Variants in DAB1 observed in about 807,000 individuals in gnomAD.
The protein encoded by DAB1 is DAB adaptor protein 1, also known as disabled homolog 1.
Under a neutral mutation model 64.6 loss-of-function variants are expected in DAB1, and 15 were observed. The observed-to-expected ratio is 0.23, with a 90% confidence interval of 0.16 to 0.36. The LOEUF is 0.36. DAB1 is among the 10% of genes least tolerant of loss of function. The probability of loss-of-function intolerance (pLI) is 1.00; values close to 1 mark genes in which losing one functional copy is unlikely to be tolerated. For synonymous variants in DAB1, 235 were observed against 251.9 expected (o/e 0.93, Z 0.64); for missense variants, 596 against 706.7 (o/e 0.84, Z 1.78).
intron 4 of DAB1, among the ~76,000 whole-genome samples, chr1:58,239,520 G>A (rs1263503117): frequency 1.3e-5 from 2 of 152,158 alleles, no homozygotes; most frequent in Non-Finnish European, 2.9e-5. Context: ...CCCAGAACCT[G>A]TCTGGAGTAA....
intron 4 of DAB1, among the ~76,000 whole-genome samples, chr1:57,092,860 A>G (rs571240701): frequency 6.6e-5 from 10 of 152,180 alleles, no homozygotes; most frequent in Non-Finnish European, 1.5e-4. Flanking sequence ...TTAGTTTCTT[A>G]TCCTTAAAGA....
chr1:57,153,589 A>T (rs866735738), intron 2 of DAB1, among the ~76,000 whole-genome samples: 4 of 150,482 alleles, frequency 2.7e-5, no homozygotes, highest in South Asian at 2.1e-4. Context: ...TTTTATTTTA[A>T]TTTTTCTGGT....
intron 4 of DAB1, among the ~76,000 whole-genome samples, chr1:58,332,651 G>A (rs1662998106): frequency 6.6e-6 from 1 of 151,914 alleles, no homozygotes; most frequent in Admixed American, 6.6e-5. Context: ...AACAACCTTT[G>A]GCCAAAAAGG....
intron 1 of DAB1, among the ~76,000 whole-genome samples, chr1:57,357,394 G>T (rs745574072): frequency 6.6e-6 from 1 of 151,884 alleles, no homozygotes. Context: ...TTGCTCTGTG[G>T]CTTGACAAAA....
intron 2 of DAB1, among the ~76,000 whole-genome samples, chr1:58,507,397 T>A (rs552620095): frequency 6.6e-6 from 1 of 152,062 alleles, no homozygotes; most frequent in African/African-American, 2.4e-5. Context: ...TCAACAACCA[T>A]GCTACATCAT....
At chr1:58,336,206 A>G (rs1242115905) in intron 4 of DAB1, among the ~76,000 whole-genome samples, 1 of 152,230 alleles carries the variant, frequency 6.6e-6, no homozygotes, top group African/African-American at 2.4e-5. Flanking sequence ...AATAAGATGC[A>G]GATGCAAACA....
At chr1:57,945,299 G>T (rs1645167713) in intron 5 of DAB1, among the ~76,000 whole-genome samples, 1 of 151,964 alleles carries the variant, frequency 6.6e-6, no homozygotes, top group African/African-American at 2.4e-5. Flanking sequence ...TCACTCTGTT[G>T]CCCAAGCTGG....
At chr1:57,771,035 G>C (rs1361519923) in intron 6 of DAB1, among the ~76,000 whole-genome samples, 1 of 152,176 alleles carries the variant, frequency 6.6e-6, no homozygotes, top group Admixed American at 6.6e-5. Flanking sequence ...TAGAAACTTG[G>C]AGAGGCGAAG....
intron 4 of DAB1, among the ~76,000 whole-genome samples, chr1:58,288,035 A>AAG (rs1661730615): frequency 6.8e-6 from 1 of 146,924 alleles, no homozygotes; most frequent in Non-Finnish European, 1.5e-5. Flanking sequence ...AAAAAAAAAA[A>AAG]AAAAAAAAAA....
At chr1:57,485,864 G>A (rs914624916) in intron 7 of DAB1, among the ~76,000 whole-genome samples, 8 of 152,188 alleles carry the variant, frequency 5.3e-5, no homozygotes, top group African/African-American at 1.9e-4. Context: ...ACCCATAAGA[G>A]ATGTTTCCAT....
chr1:57,763,169 G>T (rs2101820331), intron 6 of DAB1, among the ~76,000 whole-genome samples: 1 of 152,266 alleles, frequency 6.6e-6, no homozygotes, highest in East Asian at 1.9e-4. Flanking sequence ...AAATGAGATT[G>T]AATGGTTGAA....
intron 5 of DAB1, among the ~76,000 whole-genome samples, chr1:58,057,486 A>G (rs1486238870): frequency 2.6e-5 from 4 of 152,202 alleles, no homozygotes; most frequent in African/African-American, 9.7e-5. Flanking sequence ...CCCTAATCCA[A>G]TAACTGTTGT....
At chr1:57,924,631 T>A (rs1217839270) in intron 5 of DAB1, among the ~76,000 whole-genome samples, 2 of 146,298 alleles carry the variant, frequency 1.4e-5, no homozygotes, top group African/African-American at 2.7e-5. Flanking sequence ...GGCTAATTTT[T>A]TTTTTTTTTT....
chr1:57,227,919 C>T (rs1415988793), intron 2 of DAB1, among the ~76,000 whole-genome samples: 1 of 152,100 alleles, frequency 6.6e-6, no homozygotes, highest in Non-Finnish European at 1.5e-5. Flanking sequence ...AGGGGAATAA[C>T]TTATGGGCGA....
intron 5 of DAB1, chr1:58,049,403 G>A (rs895737161): frequency 6.7e-5 from 32 of 477,836 alleles, no homozygotes; most frequent in South Asian, 4.3e-4. Context: ...ACTTCTTTCC[G>A]ATAATAATTA....
chr1:58,413,499 C>G (rs1384718552), intron 3 of DAB1, among the ~76,000 whole-genome samples: 1 of 152,114 alleles, frequency 6.6e-6, no homozygotes, highest in Admixed American at 6.5e-5. Context: ...ATGCTCTTAT[C>G]CATCAAACTG....
intron 1 of DAB1, among the ~76,000 whole-genome samples, chr1:57,304,867 T>C (rs1389075043): frequency 6.6e-6 from 1 of 152,202 alleles, no homozygotes; most frequent in East Asian, 1.9e-4. Context: ...AAATCTGATA[T>C]GTTCACTTAG....
At chr1:57,538,796 AC>A (rs1644760991) in intron 7 of DAB1, among the ~76,000 whole-genome samples, 1 of 152,084 alleles carries the variant, frequency 6.6e-6, no homozygotes, top group African/African-American at 2.4e-5. Context: ...AGAGCAGCAA[AC>A]AAAAGTTCTA....
chr1:58,180,555 G>T (rs1418057538), intron 4 of DAB1, among the ~76,000 whole-genome samples: 1 of 151,882 alleles, frequency 6.6e-6, no homozygotes, highest in Non-Finnish European at 1.5e-5. Context: ...TTGGCTTCCC[G>T]AAGTGCTGGG....
Sources: gnomAD v4.1 joint callset for allele counts (sites outside exome capture counted in the v4.1 genomes callset) on GRCh38, gnomAD v4.1.1 for gene constraint, MANE v1.5 for transcripts, NCBI Gene and HGNC (gene_info 2026-07-23, HGNC 2026-07-21) for gene names.